The following MADD variants were observed in gnomAD, a reference collection of about 807,000 sequenced individuals.
MADD encodes the protein MAP kinase-activating death domain protein.
Under a neutral mutation model 176.7 loss-of-function variants are expected in MADD, and 109 were observed. The observed-to-expected ratio is 0.62, with a 90% CI of 0.53 to 0.72. MADD has a LOEUF of 0.72. Among genes scored for constraint, MADD ranks in the 30% least tolerant of loss-of-function variants. MADD has a pLI of 0.00. For missense variants in MADD, 1,914 were observed against 2,045.5 expected (o/e 0.94, Z 1.24); for synonymous variants, 771 against 771.3 (o/e 1.00, Z 0.01).
At chr11:47,306,088 C>G (rs1289330008) in intron 22 of MADD, among the ~76,000 whole-genome samples, 1 of 152,182 alleles carries the variant, frequency 6.6e-6, no homozygotes, top group Non-Finnish European at 1.5e-5. Context: ...CAGATTGCTT[C>G]TTCACCTTAG....
At chr11:47,314,701 T>A (rs2092122129) in intron 26 of MADD, among the ~76,000 whole-genome samples, 1 of 152,180 alleles carries the variant, frequency 6.6e-6, no homozygotes, top group African/African-American at 2.4e-5. Flanking sequence ...TCCTCTTCCA[T>A]TTTCCAAATA....
intron 12 of MADD, 85 bp from the exon 13 acceptor site, chr11:47,284,856 G>A (rs1438859582): frequency 1.2e-5 from 19 of 1,557,094 alleles, no homozygotes; most frequent in Non-Finnish European, 1.4e-5. Context: ...AATCTGACAG[G>A]CCTGGTCCAG....
chr11:47,290,268 G>A (rs768523146), exon 18 of MADD: 1 of 1,614,104 alleles, frequency 6.2e-7, no homozygotes, highest in Non-Finnish European at 8.5e-7. Flanking sequence ...TTGGGCTTTT[G>A]GAGATTGCCC....
intron 22 of MADD, among the ~76,000 whole-genome samples, chr11:47,299,279 A>G (rs2075657832): frequency 6.6e-6 from 1 of 152,042 alleles, no homozygotes; most frequent in African/African-American, 2.4e-5. Flanking sequence ...TTTTCACAAT[A>G]TTCGTCCAAT....
exon 3 of MADD, chr11:47,274,833 A>C: frequency 6.2e-7 from 1 of 1,614,248 alleles, no homozygotes; most frequent in South Asian, 1.1e-5. Context: ...AGAAGGGGGA[A>C]GGTGGGGCAG....
intron 19 of MADD, among the ~76,000 whole-genome samples, chr11:47,292,995 G>A (rs903895590): frequency 6.6e-6 from 1 of 152,108 alleles, no homozygotes; most frequent in Non-Finnish European, 1.5e-5. Flanking sequence ...ACTCTCTGGT[G>A]GCTTGCCTAG....
chr11:47,285,350 A>C, intron 13 of MADD, 101 bp from the exon 14 acceptor site: 1 of 1,562,602 alleles, frequency 6.4e-7, no homozygotes, highest in Non-Finnish European at 8.7e-7. Context: ...CTTAGGAATT[A>C]CGGGAAGGGA....
intron 25 of MADD, among the ~76,000 whole-genome samples, chr11:47,309,988 C>T (rs2086835732): frequency 6.7e-6 from 1 of 149,812 alleles, no homozygotes. Context: ...ATTACAGGCG[C>T]ACACCACCAT....
At chr11:47,287,022 G>T (rs1215144095) in intron 15 of MADD, among the ~76,000 whole-genome samples, 2 of 152,148 alleles carry the variant, frequency 1.3e-5, no homozygotes, top group Non-Finnish European at 2.9e-5. Flanking sequence ...AGTTTCTAGG[G>T]GCAGTTAAAA....
At chr11:47,328,787 C>T (rs1595783137) in intron 32 of MADD, 83 bp downstream of exon 36, 1 of 1,570,864 alleles carries the variant, frequency 6.4e-7, no homozygotes, top group Non-Finnish European at 8.7e-7. Context: ...GGAGGGCCCT[C>T]TGAGCGCACA....
At chr11:47,329,301 G>T in exon 33 of MADD, 1 of 651,738 alleles carries the variant, frequency 1.5e-6, no homozygotes, top group South Asian at 1.7e-5. Flanking sequence ...TACCGGTTAT[G>T]TGTCCCTCTG....
Position 47,296,165 on chromosome 11 carries a change from A to G in MADD, c.3642+110A>G, listed in dbSNP as rs540636325. 6.5e-5 allele frequency: 83 copies of G among 1,268,634 alleles called. No individual in the cohort carries two copies. In the African/African-American group the frequency reaches 1.1e-3, roughly 17 times the overall value. The allele number at this position is 1,268,634 out of a possible 1,614,324, so 78.6% of individuals were successfully genotyped here. On this transcript the variant is annotated intron_variant, in intron 22 of 32. Coordinates refer to ENST00000402192, the Ensembl canonical transcript of MADD. ...CTAAAGAGGTAAAGGTTAAATAAGG[A>G]AGAGGTAATCTTCTTATATTTGGCT...
intron 27 of MADD, among the ~76,000 whole-genome samples, chr11:47,321,280 C>G (rs954961992): frequency 1.3e-5 from 2 of 152,198 alleles, no homozygotes; most frequent in African/African-American, 4.8e-5. Flanking sequence ...CTGGAGATAA[C>G]CACAGAGTCA....
At chr11:47,286,523 C>A in exon 15 of MADD, 1 of 1,613,306 alleles carries the variant, frequency 6.2e-7, no homozygotes, top group Non-Finnish European at 8.5e-7. Flanking sequence ...ACGCCCTTCC[C>A]CAGTCTGAAA....
exon 3 of MADD, chr11:47,274,756 A>G (rs1333449424): frequency 6.2e-7 from 1 of 1,614,206 alleles, no homozygotes; most frequent in South Asian, 1.1e-5. Flanking sequence ...TGACAAGGAC[A>G]CTGGAGTCAC....
At position 47,307,640 on chromosome 11, in the gene MADD, A is replaced by C. The variant is rs370874713; in HGVS notation, c.3643-951A>C. 7.5e-4 allele frequency among the ~76,000 whole-genome samples: 114 copies of C among 151,938 alleles called. 2 individuals are homozygous for C. In the South Asian group the frequency reaches 0.023, roughly 31 times the overall value. Reference sequence around the variant, plus strand: ...ATATTACCTACCTCTGATCTAGTTGAAAATCTTTTTTTTTTTTTTGTGAGA... The same window carrying C: ...ATATTACCTACCTCTGATCTAGTTGCAAATCTTTTTTTTTTTTTTGTGAGA... On this transcript the variant is annotated intron_variant, in intron 22 of 32. Coordinates refer to ENST00000402192, the Ensembl canonical transcript of MADD.
chr11:47,284,338 G>A (rs1565334565), intron 11 of MADD, 37 bp from the exon 12 acceptor site: 1 of 1,613,978 alleles, frequency 6.2e-7, no homozygotes, highest in South Asian at 1.1e-5. Context: ...GCCCAAGGAT[G>A]GAGTGGTCTG....
intron 1 of MADD, 47 bp from the exon 2 acceptor site, chr11:47,273,780 C>T: frequency 1.4e-6 from 1 of 697,756 alleles, no homozygotes. Context: ...AGGGATGAGT[C>T]CCTTAGGCAC....
intron 1 of MADD, chr11:47,272,346 C>T (rs1238573678): frequency 1.3e-5 from 2 of 152,088 alleles, no homozygotes; most frequent in Admixed American, 6.6e-5. Flanking sequence ...GCAAATAGGT[C>T]TTGTTTATTG....
Sources: gnomAD v4.1 joint callset for allele counts (sites outside exome capture counted in the v4.1 genomes callset) on GRCh38, gnomAD v4.1.1 for gene constraint, MANE v1.5 for transcripts, NCBI Gene and HGNC (gene_info 2026-07-23, HGNC 2026-07-21) for gene names.